The following RECQL4 variants were observed in gnomAD, a reference collection of about 807,000 sequenced individuals.
RECQL4 encodes RecQ like helicase 4, also known as ATP-dependent DNA helicase Q4.
A neutral mutation model predicts 128.6 loss-of-function variants in RECQL4; 158 were observed. That is an observed-to-expected ratio of 1.23 (90% confidence interval 1.08 to 1.40). The LOEUF is 1.40. RECQL4 is among the 40% of genes most tolerant of loss of function. RECQL4 has a pLI of 0.00. For synonymous variants in RECQL4, 996 were observed against 678.9 expected, an observed-to-expected ratio of 1.47 and a Z score of -7.26; for missense variants, 2,293 against 1,649.8, an observed-to-expected ratio of 1.39 and a Z score of -6.75.
In RECQL4 at chr8:144,512,230, C is replaced by G. The variant is rs2130659036; in HGVS notation, c.3150G>C (p.Gln1050His). Residue 1050 changes from glutamine to histidine, a missense_variant, in exon 18 of 21, where the codon CAG (glutamine) becomes CAC (histidine). Coordinates refer to ENST00000617875, the MANE Select transcript of RECQL4 (RefSeq NM_004260.4). ...CACGGCCATAGAGGAAGTCACATATCTGGTCCTTCTCCTCAGCGGTCAAGT... is the reference window on the plus strand; with the variant it reads ...CACGGCCATAGAGGAAGTCACATATGTGGTCCTTCTCCTCAGCGGTCAAGT... ...PGDLTAEEKD[Q>H]ICDFLYGRVQ... The G allele has an allele frequency of 6.2e-7, 1 of 1,612,406 alleles. No homozygotes were observed. Among genetic ancestry groups the G allele is most frequent in the Non-Finnish European group, 8.5e-7 (1 of 1,179,740 alleles).
Position 144,515,156 on chromosome 8 carries a change from G to A in RECQL4, c.1477C>T (p.Leu493=), listed in dbSNP as rs1352827683. ...PGQERAVMRI[L]SGISTLLVLP... is the part of the protein sequence containing the mutation. ...CCCTGGCAGCCACGCTCACCAGACAGGATCCGCATGACTGCACGCTCCTGC... is the reference window on the plus strand; with the variant it reads ...CCCTGGCAGCCACGCTCACCAGACAAGATCCGCATGACTGCACGCTCCTGC... The change falls in exon 8 of 21, where the codon CTG becomes TTG. Residue 493 remains leucine, a synonymous_variant. Coordinates refer to ENST00000617875, the MANE Select transcript of RECQL4 (RefSeq NM_004260.4). The A allele has an allele frequency of 1.9e-6, 3 of 1,565,154 alleles. No individual in the cohort carries two copies. The highest frequency in any genetic ancestry group is 2.7e-5 in the African/African-American group (2 of 73,586).
chr8:144,512,326 T>C lies in RECQL4; in HGVS notation c.3056-2A>G. 1.2e-6 allele frequency: 2 copies of C among 1,612,046 alleles called. No individual in the cohort carries two copies. Among genetic ancestry groups the C allele is most frequent in the South Asian group, 2.2e-5 (2 of 91,080 alleles). ...GCACCCCTGTCCCACGCCGCACACCTGCCGGAAAGCATGTCAGATGCAGGC... is the reference window on the plus strand; with the variant it reads ...GCACCCCTGTCCCACGCCGCACACCCGCCGGAAAGCATGTCAGATGCAGGC... On this transcript the variant is annotated splice_acceptor_variant, in intron 17 of 20. Coordinates refer to ENST00000617875, the MANE Select transcript of RECQL4 (RefSeq NM_004260.4). LOFTEE classifies it high-confidence loss of function.
Position 144,511,552 on chromosome 8 carries a change from C to A in RECQL4, c.3506G>T (p.Ser1169Ile). The change falls in exon 21 of 21, where the codon AGC (serine) becomes ATC (isoleucine). Residue 1169 changes from serine to isoleucine, a missense_variant. Transcript: ENST00000617875. The stretch of plus-strand genomic sequence containing the variant: ...GTACACCTGGGCCGGGTAGCAGGGG[C>A]TTCCTACGGTGGAGCCAAGACACAG... ...AVARIFHGIG[S>I]PCYPAQVYGQ... 1 of 1,612,120 alleles carries A rather than the reference C, an allele frequency of 6.2e-7. No homozygotes were observed. The highest frequency in any genetic ancestry group is 1.3e-5 in the African/African-American group (1 of 75,048).
chr8:144,511,998 G>C lies in RECQL4; in HGVS notation c.3306C>G (p.Asp1102Glu). 6.2e-7 allele frequency: 1 copy of C among 1,610,236 alleles called. No homozygotes were observed. The highest frequency in any genetic ancestry group is 1.1e-5 in the South Asian group (1 of 90,672). ...QDEERSTRLK[D>E]LLGRYFEEEE... ...CTTCCTCAAAGTAGCGGCCGAGCAG[G>C]TCCTTGAGCCTGGTGCTGCGCTCCT... The change falls in exon 19 of 21, where the codon GAC (aspartate) becomes GAG (glutamate). Residue 1102 changes from aspartate (D) to glutamate (E), a missense_variant. Coordinates refer to ENST00000617875, the MANE Select transcript of RECQL4 (RefSeq NM_004260.4).
Position 144,513,719 on chromosome 8 carries a change from A to G in RECQL4, c.2059-7T>C, listed in dbSNP as rs1386690213. 2 of 1,439,784 alleles carry G rather than the reference A, an allele frequency of 1.4e-6. No individual in the cohort carries two copies. Among genetic ancestry groups the G allele is most frequent in the Non-Finnish European group, 1.8e-6 (2 of 1,081,614 alleles). The allele number at this position is 1,439,784 out of a possible 1,614,324, so 89.2% of individuals were successfully genotyped here. On this transcript the variant is annotated splice_polypyrimidine_tract_variant and splice_region_variant and intron_variant, in intron 12 of 20. Transcript: ENST00000617875. ...GCAGCAGCGTCAACAGTGCCTGATGAGGAGCGGTTGGCGTGGGCAGTGGGG... is the reference window on the plus strand; with the variant it reads ...GCAGCAGCGTCAACAGTGCCTGATGGGGAGCGGTTGGCGTGGGCAGTGGGG...
chr8:144,511,920 C>G lies in RECQL4; in HGVS notation c.3384G>C (p.Gly1128=), dbSNP rs376559433. ...GCCTTACTGCACTCACTCTGGCCTG[C>G]CCTGGCTCGGGGCCCTGTGCGTCCT... The part of the protein sequence containing the change: ...GMEDAQGPEP[G]QARLQDWEDQ... Residue 1128 remains glycine (G), a synonymous_variant, in exon 19 of 21, where the codon GGG becomes GGC. Transcript: ENST00000617875. 8.7e-6 allele frequency: 14 copies of G among 1,610,720 alleles called. No individual in the cohort carries two copies. In the African/African-American group the frequency reaches 1.5e-4, roughly 17 times the overall value.
chr8:144,514,287 C>T lies in RECQL4; in HGVS notation c.1780G>A (p.Ala594Thr), dbSNP rs376364416. The change falls in exon 11 of 21, where the codon GCA (alanine) becomes ACA (threonine). Residue 594 changes from alanine to threonine, a missense_variant. Coordinates refer to ENST00000617875, the MANE Select transcript of RECQL4 (RefSeq NM_004260.4). ...GCAAAAGCAACTGGAGGCAGCTGTG[C>T]GGCTGGAGGGAGGCCTCCCGCCCCC... ...LVGAGGLPPAAQLPPVAFACI... is the reference protein window; with the variant it reads ...LVGAGGLPPATQLPPVAFACI... 40 of 1,611,268 alleles carry T rather than the reference C, an allele frequency of 2.5e-5. No homozygotes were observed. Among genetic ancestry groups the T allele is most frequent in the South Asian group, 3.3e-5 (3 of 91,062 alleles).
Position 144,513,245 on chromosome 8 carries a change from G to A in RECQL4, c.2436C>T (p.Ala812=). 1 of 1,588,282 alleles carries A rather than the reference G, an allele frequency of 6.3e-7. No homozygotes were observed. The highest frequency in any genetic ancestry group is 1.1e-5 in the South Asian group (1 of 90,374). The change falls in exon 14 of 21, where the codon GCC becomes GCT. Residue 812 remains alanine, a synonymous_variant. Coordinates refer to ENST00000617875, the MANE Select transcript of RECQL4 (RefSeq NM_004260.4). ...VGRAGRDGQP[A]HCHLFLQPQG... is the part of the protein sequence containing the mutation. The stretch of plus-strand genomic sequence containing the variant: ...GGGGCTGCAGGAAGAGGTGGCAGTG[G>A]GCAGGCTGCCCGTCACGCCCGGCCC...
At position 144,511,485 on chromosome 8, in the gene RECQL4, G is replaced by C. The variant is rs199885535; in HGVS notation, c.3573C>G (p.Ser1191Arg). 6.2e-7 allele frequency: 1 copy of C among 1,612,618 alleles called. No individual in the cohort carries two copies. The highest frequency in any genetic ancestry group is 8.5e-7 in the Non-Finnish European group (1 of 1,179,808). ...TGGCCAGGCCCACCAGGGCATGGAA[G>C]CTCAGGTGCAGGTATTTTCTCCAGA... ...RRFWRKYLHL[S>R]FHALVGLATE... Residue 1191 changes from serine to arginine, a missense_variant, in exon 21 of 21, where the codon AGC becomes AGG. Physicochemically the swap from Ser to Arg is moderately radical, Grantham distance 110. Transcript: ENST00000617875.
At chr8:144,517,532 G>T (rs2130742266) in intron 2 of RECQL4, 24 bp from the exon 3 acceptor site, 2 of 1,564,648 alleles carry the variant, frequency 1.3e-6, no homozygotes, top group East Asian at 2.3e-5. Context: ...CGGGAGGCGG[G>T]GTCAGGGTGG....
rs770553956 is a variant in RECQL4 at position 144,512,067 on chromosome 8, G to A, written c.3237C>T (p.Ser1079=). The change falls in exon 19 of 21, where the codon AGC becomes AGT. Residue 1079 remains serine (S), a splice_region_variant and synonymous_variant. Transcript: ENST00000617875. ...AGGGCCCGCAGCTGGGGAAGGCTACGCTGTGGGGAGGAGCCTGTCAGAGCT... is the reference window on the plus strand; with the variant it reads ...AGGGCCCGCAGCTGGGGAAGGCTACACTGTGGGGAGGAGCCTGTCAGAGCT... ...RLRRTFQAFH[S]VAFPSCGPCL... is the part of the protein sequence containing the mutation. 18 of 1,607,054 alleles carry A rather than the reference G, an allele frequency of 1.1e-5. No homozygotes were observed. The highest frequency in any genetic ancestry group is 2.2e-5 in the East Asian group (1 of 44,776).
chr8:144,517,302 A>G, intron 3 of RECQL4, 112 bp from the exon 4 acceptor site: 1 of 1,491,344 alleles, frequency 6.7e-7, no homozygotes, highest in Non-Finnish European at 8.9e-7. Context: ...CACTTTGCCC[A>G]GTCCCCCTCC....
chr8:144,511,905 A>G lies in RECQL4; in HGVS notation c.3393+6T>C. On this transcript the variant is annotated splice_donor_region_variant and intron_variant, in intron 19 of 20. Coordinates refer to ENST00000617875, the MANE Select transcript of RECQL4 (RefSeq NM_004260.4). ...CCGATGAGCTGCCTGGCCTTACTGC[A>G]CTCACTCTGGCCTGCCCTGGCTCGG... 6.2e-7 allele frequency: 1 copy of G among 1,610,314 alleles called. No homozygotes were observed. Among genetic ancestry groups the G allele is most frequent in the Non-Finnish European group, 8.5e-7 (1 of 1,179,590 alleles).
In RECQL4 at chr8:144,512,993, C is replaced by T. The variant is rs1827539195; in HGVS notation, c.2609G>A (p.Gly870Glu). Residue 870 changes from glycine to glutamate, a missense_variant, in exon 15 of 21, where the codon GGG (glycine) becomes GAG (glutamate). Gly to Glu is a moderately conservative substitution (Grantham distance 98). Coordinates refer to ENST00000617875, the MANE Select transcript of RECQL4 (RefSeq NM_004260.4). ...PPSEQEGAVG[G>E]ERPVPKYPPQ... Reference sequence around the variant, plus strand: ...GGGGTACTTGGGCACAGGCCTCTCCCCACCCACGGCCCCTTCCTGCTCCGA... The same window carrying T: ...GGGGTACTTGGGCACAGGCCTCTCCTCACCCACGGCCCCTTCCTGCTCCGA... 1 of 1,569,810 alleles carries T rather than the reference C, an allele frequency of 6.4e-7. No individual in the cohort carries two copies. Among genetic ancestry groups the T allele is most frequent in the Non-Finnish European group, 8.6e-7 (1 of 1,158,176 alleles).
chr8:144,515,443 T>C lies in RECQL4; in HGVS notation c.1273A>G (p.Thr425Ala). 1 of 1,612,782 alleles carries C rather than the reference T, an allele frequency of 6.2e-7. No homozygotes were observed. Among genetic ancestry groups the C allele is most frequent in the South Asian group, 1.1e-5 (1 of 91,088 alleles). Reference sequence around the variant, plus strand: ...AGTGGCTCAGGCCCAACAGCATCTGTGTCTTCCTCACTTGCTGGGGCAGGC... The same window carrying C: ...AGTGGCTCAGGCCCAACAGCATCTGCGTCTTCCTCACTTGCTGGGGCAGGC... ...QCPRPASEEDTDAVGPEPLVP... is the reference protein window; with the variant it reads ...QCPRPASEEDADAVGPEPLVP... Residue 425 changes from threonine (T) to alanine (A), a missense_variant, in exon 7 of 21, where the codon ACA (threonine) becomes GCA (alanine). Physicochemically the swap from Thr to Ala is moderately conservative, Grantham distance 58. Coordinates refer to ENST00000617875, the MANE Select transcript of RECQL4 (RefSeq NM_004260.4).
In RECQL4 at chr8:144,516,779, ACAG is replaced by A; in HGVS notation, c.355-18_355-16del. 6.6e-7 allele frequency: 1 copy of A among 1,516,530 alleles called. No individual in the cohort carries two copies. Among genetic ancestry groups the A allele is most frequent in the Non-Finnish European group, 8.8e-7 (1 of 1,136,686 alleles). The allele number at this position is 1,516,530 out of a possible 1,614,324, so 93.9% of individuals were successfully genotyped here. A position where few individuals can be genotyped will look rare whatever the true frequency, so the allele number is the denominator to read the frequency against. On this transcript the variant is annotated splice_polypyrimidine_tract_variant and intron_variant, in intron 4 of 20. Coordinates refer to ENST00000617875, the MANE Select transcript of RECQL4 (RefSeq NM_004260.4). Reference sequence around the variant, plus strand: ...GCTGGTCCGGCCTGGGAGGGGAACAACAGAACAGCAGGAGGAACTCAGGCCCCT... The same window carrying A: ...GCTGGTCCGGCCTGGGAGGGGAACAAAACAGCAGGAGGAACTCAGGCCCCT...
At chr8:144,514,835 CCAGGGGAGGG>C in intron 9 of RECQL4, 91 bp downstream of exon 9, 1 of 1,440,256 alleles carries the variant, frequency 6.9e-7, no homozygotes, top group East Asian at 2.4e-5. Context: ...CTTGAAGCTC[CCAGGGGAGGG>C]GGTGGTTAGG....
At position 144,511,493 on chromosome 8, in the gene RECQL4, G is replaced by C. The variant is rs745930478; in HGVS notation, c.3565C>G (p.His1189Asp). The change falls in exon 21 of 21, where the codon CAC (histidine) becomes GAC (aspartate). Residue 1189 changes from histidine (H) to aspartate (D), a missense_variant. By Grantham distance (81) the His-to-Asp change is moderately conservative. Transcript: ENST00000617875. ...QDRRFWRKYL[H>D]LSFHALVGLA... is the part of the protein sequence containing the mutation. Reference sequence around the variant, plus strand: ...CCCACCAGGGCATGGAAGCTCAGGTGCAGGTATTTTCTCCAGAAGCGTCGG... The same window carrying C: ...CCCACCAGGGCATGGAAGCTCAGGTCCAGGTATTTTCTCCAGAAGCGTCGG... 2.5e-6 allele frequency: 4 copies of C among 1,612,648 alleles called. No individual in the cohort carries two copies. The East Asian group carries it at 8.9e-5, about 36-fold the overall frequency.
chr8:144,515,489 C>A, intron 6 of RECQL4, 32 bp from the exon 7 acceptor site: 1 of 1,612,212 alleles, frequency 6.2e-7, no homozygotes, highest in Non-Finnish European at 8.5e-7. Context: ...AGAATGGGAG[C>A]TCCAGGTCGG....
Sources: gnomAD v4.1 joint callset for allele counts on GRCh38, gnomAD v4.1.1 for gene constraint, MANE v1.5 for transcripts, NCBI Gene and HGNC (gene_info 2026-07-23, HGNC 2026-07-21) for gene names.